ZBBX: variants seen among roughly 807,000 people sequenced by gnomAD.
ZBBX encodes the protein zinc finger B-box domain containing.
A neutral mutation model predicts 108.5 loss-of-function variants in ZBBX; 101 were observed. The observed-to-expected ratio is 0.93, with a 90% CI of 0.79 to 1.10. ZBBX has a LOEUF of 1.10. Among genes scored for constraint, ZBBX ranks in the 50% least tolerant of loss-of-function variants. ZBBX has a pLI of 0.00. For missense variants in ZBBX, 1,009 were observed against 941.4 expected (o/e 1.07, Z -0.94); for synonymous variants, 356 against 323.4 (o/e 1.10, Z -1.08).
chr3:167,251,311 T>G (rs559987083), intron 20 of ZBBX, among the ~76,000 whole-genome samples: 5 of 152,340 alleles, frequency 3.3e-5, no homozygotes, highest in African/African-American at 1.2e-4. Flanking sequence ...TCCATCCTTG[T>G]GACAAGGTAG....
At chr3:167,401,766 G>A (rs1394950366) in intron 1 of ZBBX, among the ~76,000 whole-genome samples, 2 of 152,140 alleles carry the variant, frequency 1.3e-5, no homozygotes, top group Non-Finnish European at 2.9e-5. Context: ...CCTATACTTA[G>A]AATGCCTTAA....
chr3:167,362,924 T>C (rs903344503), intron 6 of ZBBX, among the ~76,000 whole-genome samples: 1 of 151,806 alleles, frequency 6.6e-6, no homozygotes, highest in Non-Finnish European at 1.5e-5. Context: ...CTCCATCACA[T>C]TTCTGCTTGA....
chr3:167,285,561 T>G (rs996384167), intron 19 of ZBBX, among the ~76,000 whole-genome samples: 10 of 152,154 alleles, frequency 6.6e-5, no homozygotes, highest in African/African-American at 2.2e-4. Context: ...ACTAGGTAAC[T>G]AAGAATGTTA....
At chr3:167,288,690 C>T (rs1331745184) in intron 19 of ZBBX, among the ~76,000 whole-genome samples, 177 bp downstream of exon 19, 1 of 152,124 alleles carries the variant, frequency 6.6e-6, no homozygotes, top group Non-Finnish European at 1.5e-5. Flanking sequence ...AATGAGCTCA[C>T]TTGTTTTTAT....
the ZBBX span, among the ~76,000 whole-genome samples, chr3:167,226,016 T>C: frequency 2.0e-5 from 3 of 150,748 alleles, no homozygotes; most frequent in African/African-American, 7.3e-5. Flanking sequence ...TTTTAGCCCA[T>C]ACTCATTCCC....
At chr3:167,246,258 T>C (rs1480954256) in intron 20 of ZBBX, among the ~76,000 whole-genome samples, 1 of 152,228 alleles carries the variant, frequency 6.6e-6, no homozygotes, top group African/African-American at 2.4e-5. Flanking sequence ...TTTTCTGCAA[T>C]TCAAAGACAC....
the ZBBX span, among the ~76,000 whole-genome samples, chr3:167,222,328 T>C: frequency 6.6e-6 from 1 of 151,936 alleles, no homozygotes. Context: ...ACTTCTTATG[T>C]TCACACTTAT....
the ZBBX span, among the ~76,000 whole-genome samples, chr3:167,213,322 G>A: frequency 1.3e-5 from 2 of 152,146 alleles, no homozygotes; most frequent in African/African-American, 4.8e-5. Context: ...AGCTGAAGGA[G>A]GAAATAGCCT....
chr3:167,266,338 A>G (rs1227274367), intron 20 of ZBBX, among the ~76,000 whole-genome samples: 2 of 152,184 alleles, frequency 1.3e-5, no homozygotes, highest in Non-Finnish European at 2.9e-5. Flanking sequence ...TCTCTCTTCA[A>G]AAGGTTTAGC....
intron 19 of ZBBX, among the ~76,000 whole-genome samples, chr3:167,283,835 G>T (rs960126142): frequency 1.3e-5 from 2 of 152,174 alleles, no homozygotes; most frequent in South Asian, 4.1e-4. Context: ...TAGAGATGGG[G>T]TTTCACCATG....
chr3:167,210,188 A>C, the ZBBX span, among the ~76,000 whole-genome samples: 6 of 152,220 alleles, frequency 3.9e-5, no homozygotes, highest in Admixed American at 2.0e-4. Context: ...CTATCAGATA[A>C]ATTTAACAAA....
At chr3:167,391,596 C>G (rs1476052457) in intron 1 of ZBBX, among the ~76,000 whole-genome samples, 1 of 151,936 alleles carries the variant, frequency 6.6e-6, no homozygotes. Context: ...TAGAATTTAG[C>G]TGGAAATCCG....
intron 17 of ZBBX, among the ~76,000 whole-genome samples, chr3:167,302,901 C>T (rs1023983282): frequency 2.0e-5 from 3 of 152,196 alleles, no homozygotes; most frequent in Non-Finnish European, 4.4e-5. Flanking sequence ...GGGCAGTAAG[C>T]CTGCCTGACC....
chr3:167,254,693 TA>T (rs1723164440), intron 20 of ZBBX, among the ~76,000 whole-genome samples: 1 of 152,030 alleles, frequency 6.6e-6, no homozygotes, highest in Non-Finnish European at 1.5e-5. Flanking sequence ...TTCAAAGATA[TA>T]AAAACAGAAA....
intron 6 of ZBBX, 128 bp downstream of exon 6, chr3:167,365,758 A>T: frequency 2.1e-6 from 1 of 482,530 alleles, no homozygotes; most frequent in Non-Finnish European, 3.5e-6. Context: ...TAAATCAACA[A>T]GTGAATAATA....
chr3:167,368,604 C>A, intron 4 of ZBBX, 30 bp from the exon 5 acceptor site: 6 of 1,506,764 alleles, frequency 4.0e-6, no homozygotes, highest in African/African-American at 1.4e-5. Context: ...ATGGAGAAAG[C>A]AGAAAAACAA....
At chr3:167,361,751 T>A (rs1025689393) in intron 6 of ZBBX, among the ~76,000 whole-genome samples, 7 of 152,228 alleles carry the variant, frequency 4.6e-5, no homozygotes, top group Non-Finnish European at 7.3e-5. Context: ...GCTAATGTTA[T>A]ACAAGTTACA....
chr3:167,349,730 C>A (rs890290476), intron 9 of ZBBX, among the ~76,000 whole-genome samples: 51 of 151,998 alleles, frequency 3.4e-4, no homozygotes, highest in Non-Finnish European at 5.7e-4. Context: ...CTAGCACATA[C>A]CCTGCCTTCT....
At chr3:167,314,232 A>C (rs1464171111) in intron 15 of ZBBX, 116 bp from the exon 16 acceptor site, 2 of 743,614 alleles carry the variant, frequency 2.7e-6, no homozygotes, top group Non-Finnish European at 4.0e-6. Context: ...AGGGTTATTT[A>C]CATTAATTTA....
Sources: allele counts gnomAD v4.1 joint callset (sites outside exome capture counted in the v4.1 genomes callset), GRCh38; gene constraint gnomAD v4.1.1; transcripts MANE v1.5; gene names NCBI Gene and HGNC (gene_info 2026-07-23, HGNC 2026-07-21).